The following RPAIN variants were observed in gnomAD, a reference collection of about 807,000 sequenced individuals.
RPAIN encodes RPA interacting protein.
A neutral mutation model predicts 30.5 loss-of-function variants in RPAIN; 29 were observed. The observed-to-expected ratio is 0.95, with a 90% CI of 0.71 to 1.30. The LOEUF (loss-of-function observed/expected upper bound fraction) is 1.30. Among genes scored for constraint, RPAIN ranks in the 50% most tolerant of loss-of-function variants. RPAIN has a pLI of 0.00. For synonymous variants in RPAIN, 101 were observed against 93.5 expected (o/e 1.08, Z -0.46); for missense variants, 247 against 264.7 (o/e 0.93, Z 0.46).
rs3209838 is a variant in RPAIN, at chr17:5,428,180, A to C, written c.599A>C (p.Glu200Ala). The C allele has an allele frequency of 1.2e-6, 2 of 1,614,104 alleles. No individual in the cohort carries two copies. Among genetic ancestry groups the C allele is most frequent in the African/African-American group, 2.7e-5 (2 of 74,944 alleles). Residue 200 changes from glutamate to alanine, a missense_variant, in exon 6 of 7, where the codon GAA (glutamate) becomes GCA (alanine). Coordinates refer to ENST00000381209, the MANE Select transcript of RPAIN (RefSeq NM_001033002.4). ...GAATTTTCAGTCACTGGAGGAACAG[A>C]AGAAAAGTCCAGTCTTCTCATGAGC... ...TPEFSVTGGTEEKSSLLMSCL... is the reference protein window; with the variant it reads ...TPEFSVTGGTAEKSSLLMSCL...
Position 5,428,208 on chromosome 17 carries a change from T to G in RPAIN, c.627T>G (p.Cys209Trp), listed in dbSNP as rs749630509. The change falls in exon 6 of 7, where the codon TGT becomes TGG. Residue 209 changes from cysteine to tryptophan, a missense_variant. Physicochemically the swap from Cys to Trp is radical, Grantham distance 215. Transcript: ENST00000381209. ...TEEKSSLLMSCLACDTWAVIL is the reference protein window; with the variant it reads ...TEEKSSLLMSWLACDTWAVIL ...AAAAGTCCAGTCTTCTCATGAGCTG[T>G]CTGGTAAGCGTCTCCTGGGACCCAC... 6.2e-7 allele frequency: 1 copy of G among 1,614,208 alleles called. No homozygotes were observed. The highest frequency in any genetic ancestry group is 1.1e-5 in the South Asian group (1 of 91,086).
At chr17:5,426,132 C>T in intron 4 of RPAIN, 50 bp downstream of exon 4, 1 of 1,563,404 alleles carries the variant, frequency 6.4e-7, no homozygotes, top group Non-Finnish European at 8.8e-7. Flanking sequence ...ATTCCCCACT[C>T]CAAGGTGAGT....
At chr17:5,432,431 A>G in intron 6 of RPAIN, 111 bp from the exon 7 acceptor site, 1 of 994,744 alleles carries the variant, frequency 1.0e-6, no homozygotes, top group East Asian at 2.4e-5. Context: ...TTGAAACTGG[A>G]CTCAGGAGAC....
At chr17:5,432,231 A>T (rs1916042579) in intron 6 of RPAIN, 1 of 330,774 alleles carries the variant, frequency 3.0e-6, no homozygotes, top group Admixed American at 4.3e-5. Flanking sequence ...CAAGAGTTTG[A>T]ATACAATCTT....
In RPAIN at chr17:5,428,145, CCA is replaced by C. The variant is rs769281001; in HGVS notation, c.570_571del (p.Pro191Ter). 1 of 1,614,094 alleles carries C rather than the reference CCA, an allele frequency of 6.2e-7. No individual in the cohort carries two copies. The highest frequency in any genetic ancestry group is 1.1e-5 in the South Asian group (1 of 91,074). ...TAAATGAGCACAGTGCACATTGTCC[CCA>C]CACACCTGAATTTTCAGTCACTGGA... ...SINEHSAHCP[H>X]TPEFSVTGGT... On this transcript the variant is annotated frameshift_variant, in exon 6 of 7. Transcript: ENST00000381209. LOFTEE classifies it high-confidence loss of function.
chr17:5,431,699 G>A (rs188794156), intron 6 of RPAIN: 4 of 453,328 alleles, frequency 8.8e-6, no homozygotes, highest in East Asian at 1.4e-4. Flanking sequence ...GAAAGATAGG[G>A]GTGGGTTACA....
intron 6 of RPAIN, chr17:5,429,441 T>C (rs1915701790): frequency 2.0e-6 from 2 of 985,356 alleles, no homozygotes; most frequent in East Asian, 1.1e-4. Context: ...CTGTTAGGAA[T>C]AGGAAACAGA....
chr17:5,429,584 G>T, intron 6 of RPAIN: 2 of 985,456 alleles, frequency 2.0e-6, no homozygotes, highest in Non-Finnish European at 2.4e-6. Context: ...GTGGAAGGAT[G>T]CCATTTTCCA....
intron 6 of RPAIN, 128 bp from the exon 7 acceptor site, chr17:5,432,414 G>T: frequency 2.3e-6 from 2 of 851,808 alleles, no homozygotes; most frequent in Admixed American, 3.8e-5. Flanking sequence ...CTACACTACT[G>T]AACTAATTGA....
Position 5,420,309 on chromosome 17 carries a change from GC to G in RPAIN, c.81+19del, listed in dbSNP as rs771868657. The stretch of plus-strand genomic sequence containing the variant: ...TCCGGCAGGTGGGTATGGGGTTTGT[GC>G]AGTGGTCTACCCTAGATCGTCCCGG... On this transcript the variant is annotated intron_variant, in intron 1 of 6. Coordinates refer to ENST00000381209, the MANE Select transcript of RPAIN (RefSeq NM_001033002.4). 1.1e-5 allele frequency: 17 copies of G among 1,609,398 alleles called. No individual in the cohort carries two copies. The Admixed American group carries it at 2.8e-4, about 27-fold the overall frequency.
rs748534633 is a variant in RPAIN at position 5,428,079 on chromosome 17, G to A, written c.498G>A (p.Glu166=). 3.7e-6 allele frequency: 6 copies of A among 1,614,182 alleles called. No homozygotes were observed. The highest frequency in any genetic ancestry group is 4.2e-6 in the Non-Finnish European group (5 of 1,180,026). Residue 166 remains glutamate (E), a synonymous_variant, in exon 6 of 7, where the codon GAG becomes GAA. Coordinates refer to ENST00000381209, the MANE Select transcript of RPAIN (RefSeq NM_001033002.4). ...CGLSIPSHSS[E]LTEQKLRACL... Reference sequence around the variant, plus strand: ...ACTTTTTTATTTTGTAGTCTTCTGAGTTGACAGAGCAGAAGCTTCGTGCCT... The same window carrying A: ...ACTTTTTTATTTTGTAGTCTTCTGAATTGACAGAGCAGAAGCTTCGTGCCT...
In RPAIN at chr17:5,432,000, G is replaced by C; in HGVS notation, c.631-542G>C. ...AAATTTGCAACCTCTGGCATAAATG[G>C]GTTAAGGACAGACTGGATTCCTTAG... On this transcript the variant is annotated intron_variant, in intron 6 of 6. Coordinates refer to ENST00000381209, the MANE Select transcript of RPAIN (RefSeq NM_001033002.4). 4 of 267,730 alleles carry C rather than the reference G, an allele frequency of 1.5e-5. No individual in the cohort carries two copies. The South Asian group carries it at 1.6e-4, about 11-fold the overall frequency. The allele number at this position is 267,730 out of a possible 1,614,324, so 16.6% of individuals were successfully genotyped here.
At chr17:5,428,351 G>C (rs1915605758) in intron 6 of RPAIN, 140 bp downstream of exon 6, 1 of 1,533,712 alleles carries the variant, frequency 6.5e-7, no homozygotes, top group Non-Finnish European at 8.8e-7. Context: ...GCATAGAAAA[G>C]TGAAGGTAAC....
intron 6 of RPAIN, chr17:5,429,525 T>C: frequency 1.0e-6 from 1 of 985,330 alleles, no homozygotes; most frequent in Non-Finnish European, 1.2e-6. Context: ...ACCCCAGGTC[T>C]TTGTGGTTCC....
intron 5 of RPAIN, chr17:5,426,567 G>A (rs1318880041): frequency 7.5e-6 from 3 of 402,268 alleles, no homozygotes; most frequent in South Asian, 4.5e-5. Context: ...GATTGGTAAC[G>A]CCTGTATCTG....
At chr17:5,424,819 CTTAAG>C (rs1209501846) in intron 3 of RPAIN, among the ~76,000 whole-genome samples, 2 of 152,178 alleles carry the variant, frequency 1.3e-5, no homozygotes, top group African/African-American at 4.8e-5. Context: ...CTGTAAATTC[CTTAAG>C]TTATCATCTT....
At chr17:5,432,203 C>CATTAAACAA in intron 6 of RPAIN, 1 of 261,756 alleles carries the variant, frequency 3.8e-6, no homozygotes, top group East Asian at 8.2e-5. Flanking sequence ...CTGCTGGGCT[C>CATTAAACAA]TAAAAGCTCC....
intron 6 of RPAIN, chr17:5,431,161 G>C (rs1915873731): frequency 3.1e-6 from 1 of 321,242 alleles, no homozygotes; most frequent in African/African-American, 2.2e-5. Context: ...ACCATTGTTG[G>C]GTAAGTGAGG....
In RPAIN at chr17:5,420,278, A is replaced by G. The variant is rs752725612; in HGVS notation, c.68A>G (p.Glu23Gly). The change falls in exon 1 of 7, where the codon GAG (glutamate) becomes GGG (glycine). Residue 23 changes from glutamate (E) to glycine (G), a missense_variant. Physicochemically the swap from Glu to Gly is moderately conservative, Grantham distance 98. Transcript: ENST00000381209. ...YKLVGSPPWK[E>G]AFRQRCLERM... is the part of the protein sequence containing the mutation. ...CTGGTGGGCTCGCCGCCTTGGAAAG[A>G]GGCTTTCCGGCAGGTGGGTATGGGG... 1.9e-6 allele frequency: 3 copies of G among 1,613,224 alleles called. No individual in the cohort carries two copies. Among genetic ancestry groups the G allele is most frequent in the Non-Finnish European group, 2.5e-6 (3 of 1,179,776 alleles).
Sources: gnomAD v4.1 joint callset for allele counts (sites outside exome capture counted in the v4.1 genomes callset) on GRCh38, gnomAD v4.1.1 for gene constraint, MANE v1.5 for transcripts, NCBI Gene and HGNC (gene_info 2026-07-23, HGNC 2026-07-21) for gene names.